Variants in IFT122 observed in about 807,000 individuals in gnomAD.
The protein encoded by IFT122 is intraflagellar transport protein 122 homolog.
In IFT122, 118 loss-of-function variants were observed where a neutral mutation model predicts 161.6. The observed-to-expected ratio is 0.73, with a 90% CI of 0.63 to 0.85. The LOEUF is 0.85. Among genes scored for constraint, IFT122 ranks in the 40% least tolerant of loss-of-function variants. The pLI, the probability that IFT122 is intolerant of heterozygous loss-of-function variation, is 0.00. For synonymous variants in IFT122, 550 were observed against 602.4 expected (o/e 0.91, Z 1.27); for missense variants, 1,381 against 1,579.6 (o/e 0.87, Z 2.13).
intron 27 of IFT122, among the ~76,000 whole-genome samples, chr3:129,517,906 A>G (rs2084196158): frequency 1.3e-5 from 2 of 152,184 alleles, no homozygotes; most frequent in Non-Finnish European, 2.9e-5. Context: ...CATAGCCAAC[A>G]TGGGACATGA....
In IFT122 at chr3:129,460,983, C is replaced by T. The variant is rs758172067; in HGVS notation, c.273-245C>T. The T allele has an allele frequency of 9.1e-6, 14 of 1,535,372 alleles. No homozygotes were observed. Among genetic ancestry groups the T allele is most frequent in the Admixed American group, 1.7e-5 (1 of 59,826 alleles). ...GGAGGATTGATTGCTTGAGGCCAAG[C>T]GTTCAAAACCAACCTGGCCAAAAGT... On this transcript the variant is annotated intron_variant, in intron 4 of 29. Transcript: ENST00000348417.
chr3:129,507,662 CA>C lies in IFT122; in HGVS notation c.2792-5del, dbSNP rs779749855. On this transcript the variant is annotated splice_region_variant and splice_polypyrimidine_tract_variant and intron_variant, in intron 22 of 29. Coordinates refer to ENST00000348417, the MANE Select transcript of IFT122 (RefSeq NM_052989.3). ...CGTTTCCCCTCCCACCCGCTGCACA[CA>C]GCAGATCCTGCCCAGAAGGACACAA... 3 of 1,613,456 alleles carry C rather than the reference CA, an allele frequency of 1.9e-6. No individual in the cohort carries two copies. In the South Asian group the frequency reaches 3.3e-5, roughly 18 times the overall value.
Position 129,517,206 on chromosome 3 carries a change from C to T in IFT122, c.3266-263C>T, listed in dbSNP as rs528055811. ...CAGAGACTGCCCCTACACACACACA[C>T]AGACTGCCCCTGCACACACACACAC... On this transcript the variant is annotated intron_variant, in intron 26 of 29. Transcript: ENST00000348417. 2.7e-5 allele frequency among the ~76,000 whole-genome samples: 4 copies of T among 145,732 alleles called. No homozygotes were observed. In the East Asian group the frequency reaches 8.5e-4, roughly 31 times the overall value.
chr3:129,474,717 T>A (rs1225336758), intron 9 of IFT122, among the ~76,000 whole-genome samples: 1 of 152,150 alleles, frequency 6.6e-6, no homozygotes, highest in Non-Finnish European at 1.5e-5. Flanking sequence ...GAGAATGACC[T>A]TGGGGGCTGA....
chr3:129,452,262 T>C, intron 3 of IFT122: 4 of 447,730 alleles, frequency 8.9e-6, no homozygotes, highest in South Asian at 8.4e-5. Context: ...TTCTGTTTTA[T>C]GGGGTGGTGG....
intron 16 of IFT122, among the ~76,000 whole-genome samples, chr3:129,490,322 C>T (rs1025511232): frequency 6.6e-6 from 1 of 152,170 alleles, no homozygotes; most frequent in African/African-American, 2.4e-5. Context: ...GGCACTCAGG[C>T]TCACCAGCTT....
intron 19 of IFT122, among the ~76,000 whole-genome samples, chr3:129,500,553 G>T (rs2081398991): frequency 6.6e-6 from 1 of 152,244 alleles, no homozygotes; most frequent in Admixed American, 6.5e-5. Context: ...AACAAAACAA[G>T]TTCCAAATCC....
intron 4 of IFT122, chr3:129,460,829 G>T: frequency 6.3e-7 from 1 of 1,590,704 alleles, no homozygotes; most frequent in Non-Finnish European, 8.6e-7. Flanking sequence ...TTTCATTGTT[G>T]TCTAAGGATT....
chr3:129,509,158 TTTG>T (rs1433049913), intron 23 of IFT122, among the ~76,000 whole-genome samples: 2 of 152,212 alleles, frequency 1.3e-5, no homozygotes, highest in Non-Finnish European at 2.9e-5. Context: ...TGAGAAATGT[TTTG>T]TTGTTGTTGC....
intron 1 of IFT122, among the ~76,000 whole-genome samples, chr3:129,446,442 C>T (rs2074009231): frequency 6.6e-6 from 1 of 152,064 alleles, no homozygotes; most frequent in Non-Finnish European, 1.5e-5. Flanking sequence ...GTCTCAGTCT[C>T]CTGACCTCAT....
In IFT122 at chr3:129,501,508, A is replaced by T. The variant is rs142582724; in HGVS notation, c.2376-1203A>T. Among the ~76,000 whole-genome samples the T allele has an allele frequency of 7.3e-4, 111 of 152,346 alleles. 2 individuals are homozygous for T. The East Asian group carries it at 0.016, about 23-fold the overall frequency. ...GTAATTTTTTTAAAGACAGAGGCACAGATTTTGTTCCCCACATTATTCTTT... is the reference window on the plus strand; with the variant it reads ...GTAATTTTTTTAAAGACAGAGGCACTGATTTTGTTCCCCACATTATTCTTT... On this transcript the variant is annotated intron_variant, in intron 19 of 29. Transcript: ENST00000348417.
At position 129,512,597 on chromosome 3, in the gene IFT122, G is replaced by A. The variant is rs537838642; in HGVS notation, c.2987+185G>A. ...TCAGCAGGGAGGCCCAGGGGCCCAG[G>A]CCAAGAGAAGATGAGTTTTCAGGGC... On this transcript the variant is annotated intron_variant, in intron 24 of 29. Transcript: ENST00000348417. 4 of 631,742 alleles carry A rather than the reference G, an allele frequency of 6.3e-6. No individual in the cohort carries two copies. In the African/African-American group the frequency reaches 7.3e-5, roughly 12 times the overall value. 39.1% of individuals were successfully genotyped at this position (631,742 alleles called of 1,614,324 possible).
At chr3:129,514,771 G>A (rs983640289) in intron 25 of IFT122, 20 of 648,238 alleles carry the variant, frequency 3.1e-5, no homozygotes, top group South Asian at 1.9e-4. Flanking sequence ...CACAGCCCCC[G>A]GCCCCGGCCT....
rs1057268089 is a variant in IFT122, at chr3:129,458,580, A to G, written c.194-19A>G. On this transcript the variant is annotated intron_variant, in intron 3 of 29. Coordinates refer to ENST00000348417, the MANE Select transcript of IFT122 (RefSeq NM_052989.3). Reference sequence around the variant, plus strand: ...GTTTAAGATAAATGTAAGACTTTCCATTTTACAAACACTTTTAGGCAAGCG... The same window carrying G: ...GTTTAAGATAAATGTAAGACTTTCCGTTTTACAAACACTTTTAGGCAAGCG... The G allele has an allele frequency of 6.2e-7, 1 of 1,608,854 alleles. No homozygotes were observed. The highest frequency in any genetic ancestry group is 1.3e-5 in the African/African-American group (1 of 74,954).
At chr3:129,447,713 A>G (rs2074197275) in intron 1 of IFT122, among the ~76,000 whole-genome samples, 1 of 152,120 alleles carries the variant, frequency 6.6e-6, no homozygotes, top group Non-Finnish European at 1.5e-5. Flanking sequence ...GGGTTTCACC[A>G]TGTTGGTCAG....
chr3:129,475,867 A>G (rs917793895), intron 9 of IFT122, among the ~76,000 whole-genome samples: 3 of 152,378 alleles, frequency 2.0e-5, no homozygotes, highest in East Asian at 3.9e-4. Context: ...TAGTTGCAGA[A>G]TAAAGGACAG....
intron 3 of IFT122, 188 bp downstream of exon 3, chr3:129,452,186 C>A: frequency 1.7e-6 from 1 of 586,270 alleles, no homozygotes; most frequent in Non-Finnish European, 3.1e-6. Context: ...ATCTATGTTC[C>A]AGGCACTGTT....
At chr3:129,474,026 G>T (rs2077645451) in intron 9 of IFT122, among the ~76,000 whole-genome samples, 1 of 152,206 alleles carries the variant, frequency 6.6e-6, no homozygotes, top group Non-Finnish European at 1.5e-5. Context: ...TAGTTTTCTT[G>T]TTAGGTTTTC....
At chr3:129,481,842 G>A in intron 14 of IFT122, 148 bp downstream of exon 14, 1 of 810,572 alleles carries the variant, frequency 1.2e-6, no homozygotes, top group South Asian at 1.5e-5. Flanking sequence ...AGTCCCAGAG[G>A]CCCTGGGCCA....
Sources: allele counts gnomAD v4.1 joint callset (sites outside exome capture counted in the v4.1 genomes callset), GRCh38; gene constraint gnomAD v4.1.1; transcripts MANE v1.5; gene names NCBI Gene and HGNC (gene_info 2026-07-23, HGNC 2026-07-21).